Variants in PARD3B observed in about 807,000 individuals in gnomAD.
PARD3B encodes the protein par-3 family cell polarity regulator beta.
In PARD3B, 103 loss-of-function variants were observed where a neutral mutation model predicts 130.2. The ratio of observed to expected loss-of-function variants is 0.79; its 90% CI spans 0.67 to 0.93. The LOEUF (loss-of-function observed/expected upper bound fraction) is 0.93. Among genes scored for constraint, PARD3B ranks in the 40% least tolerant of loss-of-function variants. The probability of loss-of-function intolerance (pLI) is 0.00; values close to 1 mark genes in which losing one functional copy is unlikely to be tolerated. For synonymous variants in PARD3B, 583 were observed against 553.2 expected (o/e 1.05, Z -0.76); for missense variants, 1,609 against 1,499.2 (o/e 1.07, Z -1.21).
At chr2:204,980,995 G>A (rs761502091) in intron 3 of PARD3B, among the ~76,000 whole-genome samples, 15 of 152,134 alleles carry the variant, frequency 9.9e-5, no homozygotes, top group Non-Finnish European at 5.9e-5. Context: ...GGGGAAACTC[G>A]ATTCTTTTTA....
chr2:204,748,766 A>C, intron 2 of PARD3B, among the ~76,000 whole-genome samples: 1 of 152,162 alleles, frequency 6.6e-6, no homozygotes, highest in East Asian at 1.9e-4. Flanking sequence ...ACTGCTGTAC[A>C]AATAGGAAAT....
chr2:204,865,922 T>C (rs1277375083), intron 2 of PARD3B, among the ~76,000 whole-genome samples: 2 of 152,200 alleles, frequency 1.3e-5, no homozygotes, highest in African/African-American at 2.4e-5. Context: ...GCTTAATCTT[T>C]GAACCTTGGT....
chr2:205,135,696 T>A (rs1191390066), intron 10 of PARD3B, among the ~76,000 whole-genome samples: 1 of 152,130 alleles, frequency 6.6e-6, no homozygotes, highest in Non-Finnish European at 1.5e-5. Context: ...CTTTTAAATA[T>A]GTTCTCATTA....
At chr2:204,676,581 G>A (rs116803005) in intron 1 of PARD3B, among the ~76,000 whole-genome samples, 4,512 of 151,832 alleles carry the variant, frequency 0.03, 110 homozygotes, top group Non-Finnish European at 0.046. Flanking sequence ...GCATCCTTGA[G>A]ATACGGCTAT....
Position 205,291,102 on chromosome 2 carries a change from G to C in PARD3B, c.2186-9428G>C, listed in dbSNP as rs72940376. ...CACTATAACAAATACCTAAAAATAT[G>C]GAAACAGCTTTGAAACTGGGTAATG... is the stretch of plus-strand genomic sequence containing the variant. On this transcript the variant is annotated intron_variant, in intron 16 of 22. Coordinates refer to ENST00000406610, the MANE Select transcript of PARD3B (RefSeq NM_001302769.2). This position sits in a 1 kb window ranked among gnomAD's most constrained non-coding sequence, Gnocchi z 4.6. 0.12 allele frequency among the ~76,000 whole-genome samples: 17,647 copies of C among 152,144 alleles called. 1,302 individuals carry two copies. The highest frequency in any genetic ancestry group is 0.18 in the Non-Finnish European group (12,138 of 67,980).
intron 4 of PARD3B, among the ~76,000 whole-genome samples, chr2:205,066,056 G>T (rs1434156): frequency 9.2e-5 from 14 of 151,932 alleles, no homozygotes; most frequent in African/African-American, 2.7e-4. Context: ...GGACACAGAA[G>T]GAATAATTTA....
intron 18 of PARD3B, among the ~76,000 whole-genome samples, chr2:205,381,385 T>G (rs535046746): frequency 6.6e-6 from 1 of 150,996 alleles, no homozygotes; most frequent in Admixed American, 6.7e-5. Flanking sequence ...CAAAATCAAG[T>G]GTTCCATAAT....
At chr2:205,395,800 C>G (rs1213007988) in intron 18 of PARD3B, among the ~76,000 whole-genome samples, 1 of 152,176 alleles carries the variant, frequency 6.6e-6, no homozygotes, top group Non-Finnish European at 1.5e-5. Flanking sequence ...TCAGGATGGT[C>G]TTTTTAAAAT....
chr2:204,897,233 T>C (rs1267574989), intron 2 of PARD3B, among the ~76,000 whole-genome samples: 1 of 152,156 alleles, frequency 6.6e-6, no homozygotes, highest in Non-Finnish European at 1.5e-5. Flanking sequence ...ACTTGTGTCT[T>C]TATTTTATAA....
intron 1 of PARD3B, among the ~76,000 whole-genome samples, chr2:204,639,364 A>G (rs1445299439): frequency 6.6e-6 from 1 of 152,194 alleles, no homozygotes; most frequent in African/African-American, 2.4e-5. Context: ...TACTATCATT[A>G]TTAATAACTT....
intron 1 of PARD3B, among the ~76,000 whole-genome samples, chr2:204,553,926 A>C (rs895549614): frequency 4.6e-5 from 7 of 151,742 alleles, no homozygotes; most frequent in Non-Finnish European, 8.8e-5. Flanking sequence ...AAAAGACCAC[A>C]AACTGGGTGC....
At chr2:205,199,890 G>C (rs1187687003) in intron 15 of PARD3B, among the ~76,000 whole-genome samples, 2 of 151,734 alleles carry the variant, frequency 1.3e-5, no homozygotes, top group East Asian at 3.9e-4. Flanking sequence ...GGAAGCAAAT[G>C]ATCAATTTTC....
At chr2:205,587,156 A>G (rs2054226386) in intron 22 of PARD3B, among the ~76,000 whole-genome samples, 1 of 152,238 alleles carries the variant, frequency 6.6e-6, no homozygotes, top group Non-Finnish European at 1.5e-5. Flanking sequence ...TGATGCTAAT[A>G]TAGAAATCAT....
intron 15 of PARD3B, among the ~76,000 whole-genome samples, chr2:205,236,519 A>G (rs953152197): frequency 1.3e-5 from 2 of 152,204 alleles, no homozygotes; most frequent in Non-Finnish European, 2.9e-5. Context: ...AGGAGAAATC[A>G]GCACTGCTCA....
rs545590962 is a variant in PARD3B, at chr2:205,558,275, C to A, written c.3260+4872C>A. On this transcript the variant is annotated intron_variant, in intron 22 of 22. Coordinates refer to ENST00000406610, the MANE Select transcript of PARD3B (RefSeq NM_001302769.2). The surrounding 1 kb of genome is among the most constrained non-coding windows in gnomAD (Gnocchi z 4.8). ...AGAGGCCATACCCAGGGCGAGTTAA[C>A]CAGGAAGGTGGAGCATGATGCTCTA... Among the ~76,000 whole-genome samples the A allele has an allele frequency of 7.9e-4, 120 of 152,144 alleles. 2 individuals are homozygous for A. Among genetic ancestry groups the A allele is most frequent in the Admixed American group, 6.9e-3 (106 of 15,274 alleles).
chr2:204,760,042 A>G (rs1212481309), intron 2 of PARD3B, among the ~76,000 whole-genome samples: 3 of 152,118 alleles, frequency 2.0e-5, no homozygotes, highest in East Asian at 1.9e-4. Flanking sequence ...TAAATACTGC[A>G]TGGTATTACT....
At chr2:205,278,957 G>C (rs149169016) in intron 16 of PARD3B, among the ~76,000 whole-genome samples, 2,059 of 150,102 alleles carry the variant, frequency 0.014, 49 homozygotes, top group African/African-American at 0.046. Context: ...TGTAATCCCA[G>C]CTACTCGGGA....
rs201009765 is a variant in PARD3B, at chr2:205,242,203, CTATCACCCA to C, written c.2141-3573_2141-3565del. 2.0e-4 allele frequency among the ~76,000 whole-genome samples: 30 copies of C among 149,502 alleles called. No homozygotes were observed. The East Asian group carries it at 4.9e-3, about 24-fold the overall frequency. ...AGAGAAAGGCCTCTAATTTTTATGC[CTATCACCCA>C]TTTGGATTTTCTACAATGTTTTTCA... On this transcript the variant is annotated intron_variant, in intron 15 of 22. Transcript: ENST00000406610.
At chr2:205,178,460 A>G (rs2035609984) in intron 13 of PARD3B, among the ~76,000 whole-genome samples, 1 of 152,168 alleles carries the variant, frequency 6.6e-6, no homozygotes. Flanking sequence ...CAAAGAAAAA[A>G]AAGAAATTAA....
Sources: gnomAD v4.1 joint callset for allele counts (sites outside exome capture counted in the v4.1 genomes callset) on GRCh38, gnomAD v4.1.1 for gene constraint, Gnocchi (gnomAD v3.1) non-coding constraint, MANE v1.5 for transcripts, NCBI Gene and HGNC (gene_info 2026-07-23, HGNC 2026-07-21) for gene names.